TRHDE: variants seen among roughly 807,000 people sequenced by gnomAD.
TRHDE encodes the protein thyrotropin releasing hormone degrading enzyme.
A neutral mutation model predicts 125.7 loss-of-function variants in TRHDE; 72 were observed. The ratio of observed to expected loss-of-function variants is 0.57; its 90% CI spans 0.47 to 0.70. The LOEUF is 0.70. TRHDE is among the 30% of genes least tolerant of loss of function. The probability of loss-of-function intolerance (pLI) is 0.00; values close to 1 mark genes in which losing one functional copy is unlikely to be tolerated. For synonymous variants in TRHDE, 509 were observed against 509.1 expected, an observed-to-expected ratio of 1.00 and a Z score of 0.00; for missense variants, 1,110 against 1,327.1, an observed-to-expected ratio of 0.84 and a Z score of 2.54.
intron 2 of TRHDE, among the ~76,000 whole-genome samples, chr12:72,296,843 G>T (rs1042513768): frequency 1.3e-5 from 2 of 152,196 alleles, no homozygotes; most frequent in Non-Finnish European, 2.9e-5. Context: ...AGTGTAGAAT[G>T]AAGAAATGGA....
intron 2 of TRHDE, among the ~76,000 whole-genome samples, chr12:72,356,005 A>T (rs936531011): frequency 6.6e-6 from 1 of 151,820 alleles, no homozygotes; most frequent in Non-Finnish European, 1.5e-5. Flanking sequence ...CTAAAAACAG[A>T]ACCACCATTC....
intron 2 of TRHDE, among the ~76,000 whole-genome samples, chr12:72,121,537 C>T (rs1202449869): frequency 2.0e-5 from 3 of 152,142 alleles, no homozygotes; most frequent in Non-Finnish European, 4.4e-5. Flanking sequence ...TCACTGTGCT[C>T]TCTTTCCTCT....
chr12:72,631,421 G>A (rs959937466), intron 15 of TRHDE, among the ~76,000 whole-genome samples: 1 of 151,586 alleles, frequency 6.6e-6, no homozygotes, highest in Non-Finnish European at 1.5e-5. Context: ...CATAAAATAG[G>A]ACTAGATTCT....
intron 2 of TRHDE, among the ~76,000 whole-genome samples, chr12:72,297,887 A>G (rs1016804978): frequency 6.6e-6 from 1 of 152,208 alleles, no homozygotes; most frequent in Non-Finnish European, 1.5e-5. Context: ...ACATGTTAAC[A>G]ACAGAACAGA....
intron 2 of TRHDE, among the ~76,000 whole-genome samples, chr12:72,319,094 T>C (rs778540337): frequency 1.3e-5 from 2 of 152,078 alleles, no homozygotes; most frequent in Non-Finnish European, 2.9e-5. Flanking sequence ...CACCAGTAAA[T>C]ACTGAGAATA....
chr12:72,310,025 T>C lies in TRHDE; in HGVS notation c.1188+23071T>C, dbSNP rs187887169. On this transcript the variant is annotated intron_variant, in intron 2 of 18. Coordinates refer to ENST00000261180, the MANE Select transcript of TRHDE (RefSeq NM_013381.3). The stretch of plus-strand genomic sequence containing the variant: ...TGTTTCCATTAAAACTAATGAAGAG[T>C]GGGTGTACATTGGTGAGACTGGGCC... 1.1e-4 allele frequency among the ~76,000 whole-genome samples: 16 copies of C among 152,128 alleles called. No homozygotes were observed. In the East Asian group the frequency reaches 2.7e-3, roughly 26 times the overall value.
Position 72,459,009 on chromosome 12 carries a change from T to C in TRHDE, c.1316-10749T>C, listed in dbSNP as rs143604332. Among the ~76,000 whole-genome samples the C allele has an allele frequency of 1.5e-3, 221 of 152,324 alleles. 1 individual carries two copies. The highest frequency in any genetic ancestry group is 5.1e-3 in the African/African-American group (213 of 41,580). ...ACACAAATTTATTATCTTACAATTA[T>C]GTAGGCTGAAAGTCTGACACTACTC... On this transcript the variant is annotated intron_variant, in intron 3 of 18. Coordinates refer to ENST00000261180, the MANE Select transcript of TRHDE (RefSeq NM_013381.3).
chr12:72,266,053 T>C (rs1041214449), intron 2 of TRHDE, among the ~76,000 whole-genome samples: 2 of 152,064 alleles, frequency 1.3e-5, no homozygotes, highest in African/African-American at 4.8e-5. Flanking sequence ...GCTATATTGA[T>C]AAACATTTAT....
chr12:72,344,226 A>C (rs1236197793), intron 2 of TRHDE, among the ~76,000 whole-genome samples: 2 of 152,120 alleles, frequency 1.3e-5, no homozygotes, highest in African/African-American at 4.8e-5. Flanking sequence ...CTCAGTTTCC[A>C]CATTTCTGAA....
chr12:72,442,967 A>C (rs146533180), intron 3 of TRHDE, among the ~76,000 whole-genome samples: 285 of 151,954 alleles, frequency 1.9e-3, no homozygotes, highest in African/African-American at 6.2e-3. Flanking sequence ...TCCACCTTTC[A>C]AACTTGAAAA....
chr12:72,260,542 T>G (rs968067326), intron 2 of TRHDE, among the ~76,000 whole-genome samples: 1 of 152,080 alleles, frequency 6.6e-6, no homozygotes, highest in Non-Finnish European at 1.5e-5. Context: ...TGCCCAGTCT[T>G]GATTTATAAA....
chr12:72,328,312 C>A (rs1869433089), intron 2 of TRHDE, among the ~76,000 whole-genome samples: 1 of 152,014 alleles, frequency 6.6e-6, no homozygotes, highest in Non-Finnish European at 1.5e-5. Flanking sequence ...TAAGTAACTG[C>A]CTAATTTGGA....
At chr12:72,601,642 C>A (rs1355523219) in intron 12 of TRHDE, among the ~76,000 whole-genome samples, 2 of 152,108 alleles carry the variant, frequency 1.3e-5, no homozygotes, top group East Asian at 1.9e-4. Context: ...GGCATACCAA[C>A]CTTCAGCAAT....
At chr12:72,414,169 G>A (rs1873632188) in intron 3 of TRHDE, among the ~76,000 whole-genome samples, 1 of 152,018 alleles carries the variant, frequency 6.6e-6, no homozygotes, top group African/African-American at 2.4e-5. Context: ...CTGACAGAAA[G>A]TTTCTAAACA....
Position 72,613,523 on chromosome 12 carries a change from G to A in TRHDE, c.2322-5368G>A, listed in dbSNP as rs184183910. The stretch of plus-strand genomic sequence containing the variant: ...ATTGCCATAATTTAATTTGGTTTAA[G>A]GAATATTTATTGAGTGCCTATTTTG... On this transcript the variant is annotated intron_variant, in intron 12 of 18. Transcript: ENST00000261180. 2.2e-3 allele frequency among the ~76,000 whole-genome samples: 334 copies of A among 152,272 alleles called. 2 individuals carry two copies. Among genetic ancestry groups the A allele is most frequent in the African/African-American group, 7.5e-3 (313 of 41,542 alleles).
Position 72,619,053 on chromosome 12 carries a change from T to C in TRHDE, c.2469+15T>C. ...ACATTTTCAATGTAAAAAGATATAATTTTTCTTTCTAATTTTTAGAAGATA... is the reference window on the plus strand; with the variant it reads ...ACATTTTCAATGTAAAAAGATATAACTTTTCTTTCTAATTTTTAGAAGATA... On this transcript the variant is annotated intron_variant, in intron 13 of 18. Transcript: ENST00000261180. The C allele has an allele frequency of 6.6e-7, 1 of 1,524,470 alleles. No homozygotes were observed. Among genetic ancestry groups the C allele is most frequent in the East Asian group, 2.3e-5 (1 of 42,768 alleles). The allele number at this position is 1,524,470 out of a possible 1,614,324, so 94.4% of individuals were successfully genotyped here.
chr12:72,594,192 T>C (rs1871821438), intron 12 of TRHDE, among the ~76,000 whole-genome samples: 1 of 152,150 alleles, frequency 6.6e-6, no homozygotes, highest in South Asian at 2.1e-4. Context: ...TTCCTGACTT[T>C]AATGATCGCC....
intron 1 of TRHDE, chr12:72,274,390 A>C (rs1879400972): frequency 6.6e-6 from 1 of 152,174 alleles, no homozygotes; most frequent in African/African-American, 2.4e-5. Flanking sequence ...TTTTATAAAA[A>C]ATTTCCGAGA....
chr12:72,320,335 TTTAAG>T (rs1869021873), intron 2 of TRHDE, among the ~76,000 whole-genome samples: 1 of 152,190 alleles, frequency 6.6e-6, no homozygotes, highest in Non-Finnish European at 1.5e-5. Context: ...TTCTGTGTAT[TTTAAG>T]TTATCTCTAG....
Sources: gnomAD v4.1 joint callset for allele counts (sites outside exome capture counted in the v4.1 genomes callset) on GRCh38, gnomAD v4.1.1 for gene constraint, MANE v1.5 for transcripts, NCBI Gene and HGNC (gene_info 2026-07-23, HGNC 2026-07-21) for gene names.